The following TRPM3 variants were observed in gnomAD, a reference collection of about 807,000 sequenced individuals.
The protein encoded by TRPM3 is long transient receptor potential channel 3.
Under a neutral mutation model 181.2 loss-of-function variants are expected in TRPM3, and 77 were observed. That is an observed-to-expected ratio of 0.42 (90% CI 0.35 to 0.51). TRPM3 has a LOEUF of 0.51. Among genes scored for constraint, TRPM3 ranks in the 20% least tolerant of loss-of-function variants. The probability of loss-of-function intolerance (pLI) is 0.01; values close to 1 mark genes in which losing one functional copy is unlikely to be tolerated. For synonymous variants in TRPM3, 745 were observed against 796.4 expected (o/e 0.94, Z 1.09); for missense variants, 1,759 against 2,196.7 (o/e 0.80, Z 3.98).
chr9:70,621,426 A>G (rs185589076), intron 14 of TRPM3, among the ~76,000 whole-genome samples, 153 bp from the exon 15 acceptor site: 1 of 152,090 alleles, frequency 6.6e-6, no homozygotes, highest in East Asian at 1.9e-4. Context: ...GTGTAGAGGC[A>G]TGATCATGGT....
chr9:71,195,504 T>C (rs531920549), intron 1 of TRPM3, among the ~76,000 whole-genome samples: 14 of 152,204 alleles, frequency 9.2e-5, no homozygotes, highest in African/African-American at 3.1e-4. Context: ...TCTACACTGT[T>C]GGTGGGAGTA....
chr9:71,067,224 ATT>A (rs11142682), intron 1 of TRPM3, among the ~76,000 whole-genome samples: 26 of 150,518 alleles, frequency 1.7e-4, no homozygotes, highest in African/African-American at 5.6e-4. Context: ...TTTTCAAAGA[ATT>A]TTTTTTTTTA....
At chr9:70,780,300 A>G (rs1409774600) in intron 7 of TRPM3, among the ~76,000 whole-genome samples, 1 of 152,182 alleles carries the variant, frequency 6.6e-6, no homozygotes, top group Non-Finnish European at 1.5e-5. Flanking sequence ...AAGTTACCAA[A>G]GTAATTGAAA....
intron 3 of TRPM3, among the ~76,000 whole-genome samples, chr9:70,860,869 G>C (rs2095503043): frequency 6.6e-6 from 1 of 152,028 alleles, no homozygotes; most frequent in Non-Finnish European, 1.5e-5. Context: ...CTTTACATAA[G>C]TCATCCCGTT....
chr9:70,560,314 T>C (rs539226075), intron 22 of TRPM3, among the ~76,000 whole-genome samples: 2 of 152,204 alleles, frequency 1.3e-5, no homozygotes, highest in Admixed American at 6.5e-5. Context: ...AAGATACAAT[T>C]ACAAATAAAG....
chr9:70,937,699 C>T (rs1408594798), intron 1 of TRPM3, among the ~76,000 whole-genome samples: 1 of 152,068 alleles, frequency 6.6e-6, no homozygotes, highest in African/African-American at 2.4e-5. Flanking sequence ...AATTGTGGCC[C>T]TATGGAAGCA....
intron 1 of TRPM3, among the ~76,000 whole-genome samples, chr9:71,014,590 C>A (rs1239641260): frequency 6.6e-6 from 1 of 152,008 alleles, no homozygotes; most frequent in Admixed American, 6.5e-5. Context: ...TGGCCTTTAG[C>A]ATTATAAAGC....
intron 1 of TRPM3, among the ~76,000 whole-genome samples, chr9:71,135,665 A>G (rs7037005): frequency 0.13 from 20,390 of 152,120 alleles, 1,880 homozygotes; most frequent in African/African-American, 0.26. Flanking sequence ...CTAGGAGGCT[A>G]AACTTACCTA....
chr9:71,134,445 G>C (rs553725181), intron 1 of TRPM3, among the ~76,000 whole-genome samples: 4 of 151,324 alleles, frequency 2.6e-5, no homozygotes, highest in Non-Finnish European at 4.4e-5. Context: ...CCAGCTACTT[G>C]GGAGGCTGAG....
At chr9:71,074,590 C>T (rs1227797355) in intron 1 of TRPM3, among the ~76,000 whole-genome samples, 1 of 152,168 alleles carries the variant, frequency 6.6e-6, no homozygotes, top group African/African-American at 2.4e-5. Context: ...TAACACCCTC[C>T]TGCTTCAGGT....
intron 1 of TRPM3, among the ~76,000 whole-genome samples, chr9:71,169,310 T>C (rs973668689): frequency 3.0e-4 from 46 of 152,186 alleles, no homozygotes; most frequent in Admixed American, 1.8e-3. Context: ...CAATACATGC[T>C]CTTTATATTC....
At chr9:70,586,172 T>C (rs1305906504) in intron 22 of TRPM3, among the ~76,000 whole-genome samples, 1 of 152,188 alleles carries the variant, frequency 6.6e-6, no homozygotes, top group Non-Finnish European at 1.5e-5. Context: ...TACACATGTA[T>C]CGTCAATGGC....
rs542612432 is a variant in TRPM3, at chr9:70,995,150, A to C, written c.177+126028T>G. On this transcript the variant is annotated intron_variant, in intron 1 of 25. Coordinates refer to ENST00000677713, the MANE Select transcript of TRPM3 (RefSeq NM_001366145.2). ...CATCAGCATTTTCTTGCCTTACACT[A>C]GGCTGAAAATTAGTCTACAAGTCTC... Among the ~76,000 whole-genome samples, 5 of 152,248 alleles carry C rather than the reference A, an allele frequency of 3.3e-5. No individual in the cohort carries two copies. In the East Asian group the frequency reaches 9.7e-4, roughly 30 times the overall value.
At chr9:71,033,512 A>G (rs2057798091) in intron 1 of TRPM3, among the ~76,000 whole-genome samples, 1 of 152,168 alleles carries the variant, frequency 6.6e-6, no homozygotes, top group African/African-American at 2.4e-5. Context: ...TAGACACTGA[A>G]ATAAATTTGA....
chr9:70,841,624 CTATATATATATA>C (rs72421594), intron 5 of TRPM3, among the ~76,000 whole-genome samples: 744 of 72,890 alleles, frequency 0.01, 13 homozygotes, highest in African/African-American at 0.031. Context: ...CTATATCCCA[CTATATATATATA>C]TATATATATA....
chr9:71,062,467 A>C (rs542442742), intron 1 of TRPM3, among the ~76,000 whole-genome samples: 1 of 152,276 alleles, frequency 6.6e-6, no homozygotes, highest in South Asian at 2.1e-4. Flanking sequence ...ACACAGCATA[A>C]AACCATACAA....
intron 1 of TRPM3, among the ~76,000 whole-genome samples, chr9:71,059,041 T>TTTTA (rs34384966): frequency 6.8e-6 from 1 of 146,480 alleles, no homozygotes; most frequent in African/African-American, 2.5e-5. Context: ...TTTTTTTTTT[T>TTTTA]ACCAGTCACT....
At chr9:71,274,697 T>G (rs899585152) in intron 1 of TRPM3, among the ~76,000 whole-genome samples, 3 of 152,240 alleles carry the variant, frequency 2.0e-5, no homozygotes, top group African/African-American at 7.2e-5. Context: ...TTGAATCTAT[T>G]CACTGTGTAG....
chr9:71,332,376 G>GGTGTGTGTGTGTGTGT (rs3041716), intron 1 of TRPM3, among the ~76,000 whole-genome samples: 138 of 142,324 alleles, frequency 9.7e-4, no homozygotes, highest in South Asian at 4.1e-3. Flanking sequence ...TTCAATGTTG[G>GGTGTGTGTGTGTGTGT]GTGTGTGTGT....
Sources: gnomAD v4.1 joint callset for allele counts (sites outside exome capture counted in the v4.1 genomes callset) on GRCh38, gnomAD v4.1.1 for gene constraint, MANE v1.5 for transcripts, NCBI Gene and HGNC (gene_info 2026-07-23, HGNC 2026-07-21) for gene names.